The following WNT7B variants were observed in gnomAD, a reference collection of about 807,000 sequenced individuals.
WNT7B encodes the protein Wnt family member 7B, also known as protein Wnt-7b.
Under a neutral mutation model 38.2 loss-of-function variants are expected in WNT7B, and 19 were observed. The observed-to-expected ratio is 0.50, with a 90% CI of 0.35 to 0.73. WNT7B has a LOEUF of 0.73. Among genes scored for constraint, WNT7B ranks in the 30% least tolerant of loss-of-function variants. The pLI is 0.01. For synonymous variants in WNT7B, 243 were observed against 209.3 expected, an observed-to-expected ratio of 1.16 and a Z score of -1.39; for missense variants, 423 against 507.9, an observed-to-expected ratio of 0.83 and a Z score of 1.61.
At chr22:45,952,353 A>T (rs1413691469) in intron 1 of WNT7B, among the ~76,000 whole-genome samples, 2 of 152,146 alleles carry the variant, frequency 1.3e-5, no homozygotes, top group Non-Finnish European at 2.9e-5. Context: ...TCAATCCCCG[A>T]GGCCCGCCCG....
intron 3 of WNT7B, among the ~76,000 whole-genome samples, chr22:45,928,037 C>T (rs952429284): frequency 1.3e-5 from 2 of 152,212 alleles, no homozygotes; most frequent in African/African-American, 4.8e-5. Context: ...TCCTCCCCTG[C>T]TGCCTAGAGG....
chr22:45,936,249 C>A, intron 2 of WNT7B: 8 of 881,618 alleles, frequency 9.1e-6, no homozygotes, highest in African/African-American at 1.8e-5. Flanking sequence ...AACTCAAAAT[C>A]CTCACCTTGC....
rs1014799240 is a variant in WNT7B at position 45,922,690 on chromosome 22, G to A, written c.*166C>T. ...TGGCAGGAAGGAGCCCCAGGGAGGC[G>A]GGCAGAGGGCGTGGGCCCCGGCCGG... On this transcript the variant is annotated 3_prime_UTR_variant, in exon 4 of 4. Transcript: ENST00000339464. The A allele has an allele frequency of 8.8e-6, 10 of 1,137,498 alleles. No homozygotes were observed. The highest frequency in any genetic ancestry group is 4.7e-5 in the African/African-American group (3 of 63,826). The allele number at this position is 1,137,498 out of a possible 1,614,324, so 70.5% of individuals were successfully genotyped here.
At chr22:45,945,088 AT>A (rs56708785) in intron 2 of WNT7B, among the ~76,000 whole-genome samples, 37 of 148,444 alleles carry the variant, frequency 2.5e-4, no homozygotes, top group Admixed American at 6.7e-4. Context: ...GGTGAACTTA[AT>A]TTTTTTTTTT....
In WNT7B at chr22:45,950,133, C is replaced by A; in HGVS notation, c.85G>T (p.Val29Leu). ...ATGATGTTGGCTCCCAGGGCCACCACGGATGACAGTGCTCTGTGGAGGGGA... is the reference window on the plus strand; with the variant it reads ...ATGATGTTGGCTCCCAGGGCCACCAAGGATGACAGTGCTCTGTGGAGGGGA... ...LYVKLGALSS[V>L]VALGANIICN... The change falls in exon 2 of 4, where the codon GTG becomes TTG. Residue 29 changes from valine to leucine, a missense_variant. Around this residue, in one of 3 missense-constraint regions of WNT7B, gnomAD observed 133 missense variants for 179.8 expected, o/e 0.74. Coordinates refer to ENST00000339464, the MANE Select transcript of WNT7B (RefSeq NM_058238.3). 6.2e-7 allele frequency: 1 copy of A among 1,613,814 alleles called. No individual in the cohort carries two copies. Among genetic ancestry groups the A allele is most frequent in the Non-Finnish European group, 8.5e-7 (1 of 1,179,994 alleles).
rs1022308672 is a variant in WNT7B at position 45,950,010 on chromosome 22, T to C, written c.208A>G (p.Ile70Val). 3 of 1,613,992 alleles carry C rather than the reference T, an allele frequency of 1.9e-6. No individual in the cohort carries two copies. The highest frequency in any genetic ancestry group is 2.7e-5 in the African/African-American group (2 of 75,066). The change falls in exon 2 of 4, where the codon ATC becomes GTC. Residue 70 changes from isoleucine to valine, a missense_variant. This residue lies in a region of WNT7B where 133 missense variants were observed against 179.8 expected (regional missense o/e 0.74). Coordinates refer to ENST00000339464, the MANE Select transcript of WNT7B (RefSeq NM_058238.3). ...CGGAACTGGTACTGGCACTCGTTGA[T>C]GCCCATCTGCGCCCCCTCCCCAATC... Reference protein sequence around the residue: ...IVIGEGAQMGINECQYQFRFG... With the variant: ...IVIGEGAQMGVNECQYQFRFG...
chr22:45,929,666 GCC>G (rs1931244052), intron 3 of WNT7B, among the ~76,000 whole-genome samples: 2 of 56,972 alleles, frequency 3.5e-5, no homozygotes, highest in African/African-American at 1.7e-4. Flanking sequence ...CCACCCACCC[GCC>G]CATCCTTCCC....
chr22:45,967,575 C>T (rs544859933), intron 1 of WNT7B, among the ~76,000 whole-genome samples: 2 of 152,256 alleles, frequency 1.3e-5, no homozygotes, highest in South Asian at 2.1e-4. Context: ...CATCCAACAC[C>T]GCTATGCCAC....
intron 3 of WNT7B, among the ~76,000 whole-genome samples, chr22:45,930,050 T>G (rs536773836): frequency 1.3e-5 from 2 of 149,022 alleles, no homozygotes; most frequent in East Asian, 2.0e-4. Context: ...TGGCCTGGTG[T>G]TCAAGATCTC....
intron 1 of WNT7B, among the ~76,000 whole-genome samples, chr22:45,953,052 T>C (rs1232792275): frequency 6.6e-6 from 1 of 152,204 alleles, no homozygotes; most frequent in Non-Finnish European, 1.5e-5. Flanking sequence ...CCTGATTCCC[T>C]GGCACTGAGG....
intron 3 of WNT7B, among the ~76,000 whole-genome samples, chr22:45,923,716 G>C (rs1930997549): frequency 6.6e-6 from 1 of 152,156 alleles, no homozygotes; most frequent in Non-Finnish European, 1.5e-5. Context: ...GGCAGCAGGT[G>C]GGGTAGGCCC....
At chr22:45,936,687 C>T (rs1307923426) in intron 2 of WNT7B, among the ~76,000 whole-genome samples, 1 of 152,254 alleles carries the variant, frequency 6.6e-6, no homozygotes, top group Non-Finnish European at 1.5e-5. Context: ...CAGTGCCAGC[C>T]AGACCCTGAT....
chr22:45,923,054 C>G lies in WNT7B; in HGVS notation c.852G>C (p.Thr284=). The G allele has an allele frequency of 7.4e-6, 12 of 1,612,838 alleles. No homozygotes were observed. Among genetic ancestry groups the G allele is most frequent in the Non-Finnish European group, 1.0e-5 (12 of 1,179,466 alleles). ...SPNYCEEDAA[T]GSVGTQGRLC... is the part of the protein sequence containing the mutation. ...GACGGCCCTGCGTGCCCACGCTGCC[C>G]GTGGCCGCGTCCTCCTCGCAGTAGT... Residue 284 remains threonine, a synonymous_variant, in exon 4 of 4, where the codon ACG becomes ACC. Coordinates refer to ENST00000339464, the MANE Select transcript of WNT7B (RefSeq NM_058238.3).
rs1390578028 is a variant in WNT7B at position 45,949,906 on chromosome 22, A to G, written c.298+14T>C. 1 of 1,600,364 alleles carries G rather than the reference A, an allele frequency of 6.2e-7. No individual in the cohort carries two copies. Among genetic ancestry groups the G allele is most frequent in the Non-Finnish European group, 8.5e-7 (1 of 1,169,922 alleles). On this transcript the variant is annotated intron_variant, in intron 2 of 3. Transcript: ENST00000339464. ...CACAATGGCTGGGCCCCTTGAGCCC[A>G]GAGGCGCCCTTACCTACTCGGAGCT...
intron 2 of WNT7B, among the ~76,000 whole-genome samples, chr22:45,931,665 G>A (rs549425746): frequency 1.1e-4 from 17 of 152,286 alleles, no homozygotes; most frequent in African/African-American, 3.4e-4. Flanking sequence ...CAGTGCTGCC[G>A]ACAGCTTCTC....
rs189406960 is a variant in WNT7B at position 45,953,088 on chromosome 22, C to T, written c.72-2942G>A. Among the ~76,000 whole-genome samples the T allele has an allele frequency of 6.3e-4, 96 of 152,206 alleles. 1 individual carries two copies. In the Middle Eastern group the frequency reaches 0.017, roughly 27 times the overall value. On this transcript the variant is annotated intron_variant, in intron 1 of 3. Coordinates refer to ENST00000339464, the MANE Select transcript of WNT7B (RefSeq NM_058238.3). Reference sequence around the variant, plus strand: ...GGGAGCGCGGTGGGCACTGGTTTTGCGGGTGTAGAGCTCATTCTGCAGTCT... The same window carrying T: ...GGGAGCGCGGTGGGCACTGGTTTTGTGGGTGTAGAGCTCATTCTGCAGTCT...
At chr22:45,931,414 G>A in intron 2 of WNT7B, 45 bp from the exon 3 acceptor site, 1 of 1,530,062 alleles carries the variant, frequency 6.5e-7, no homozygotes, top group Non-Finnish European at 8.7e-7. Flanking sequence ...CAGGCCCTGG[G>A]CCAGGTGGGC....
In WNT7B at chr22:45,976,066, C is replaced by A. The variant is rs1311319491; in HGVS notation, c.71+618G>T. On this transcript the variant is annotated intron_variant, in intron 1 of 3. Coordinates refer to ENST00000339464, the MANE Select transcript of WNT7B (RefSeq NM_058238.3). This position sits in a 1 kb window ranked among gnomAD's most constrained non-coding sequence, Gnocchi z 8.5. ...GGGCCGGGCCCAGGGCCCAGGGCCC[C>A]GGGCGGGCGGGGCACGGGCCCCGGA... 6.9e-6 allele frequency: 1 copy of A among 144,692 alleles called. No homozygotes were observed. Among genetic ancestry groups the A allele is most frequent in the South Asian group, 2.1e-4 (1 of 4,720 alleles). 9.0% of individuals were successfully genotyped at this position (144,692 alleles called of 1,614,324 possible).
In WNT7B at chr22:45,975,405, A is replaced by T. The variant is rs1310427925; in HGVS notation, c.71+1279T>A. 3.3e-6 allele frequency: 2 copies of T among 609,976 alleles called. No homozygotes were observed. Among genetic ancestry groups the T allele is most frequent in the Admixed American group, 5.0e-5 (2 of 39,776 alleles). The allele number at this position is 609,976 out of a possible 1,614,324, so 37.8% of individuals were successfully genotyped here. A position where few individuals can be genotyped will look rare whatever the true frequency, so the allele number is the denominator to read the frequency against. On this transcript the variant is annotated intron_variant, in intron 1 of 3. Transcript: ENST00000339464. This position sits in a 1 kb window ranked among gnomAD's most constrained non-coding sequence, Gnocchi z 6.6. ...ACCCAGGGACACAGCCTACCCACAG[A>T]CCTATGATAAACGGGGCTACCGGCA...
Sources: gnomAD v4.1 joint callset for allele counts (sites outside exome capture counted in the v4.1 genomes callset) on GRCh38, gnomAD v4.1.1 for gene constraint, gnomAD v4.1.1 regional missense constraint, Gnocchi (gnomAD v3.1) non-coding constraint, MANE v1.5 for transcripts, NCBI Gene and HGNC (gene_info 2026-07-23, HGNC 2026-07-21) for gene names.